DAW1: variants seen among roughly 807,000 people sequenced by gnomAD.
DAW1 encodes dynein assembly factor with WD repeats 1.
Under a neutral mutation model 56.5 loss-of-function variants are expected in DAW1, and 47 were observed. The observed-to-expected ratio is 0.83, with a 90% CI of 0.66 to 1.06. The LOEUF (loss-of-function observed/expected upper bound fraction) is 1.06. Ranked by LOEUF, DAW1 falls within the 50% of genes least tolerant of loss-of-function variation. The pLI, the probability that DAW1 is intolerant of heterozygous loss-of-function variation, is 0.00. For synonymous variants in DAW1, 190 were observed against 179.0 expected (o/e 1.06, Z -0.49); for missense variants, 505 against 499.3 (o/e 1.01, Z -0.11).
intron 1 of DAW1, among the ~76,000 whole-genome samples, chr2:227,881,846 G>T (rs1439287039): frequency 1.4e-5 from 2 of 142,884 alleles, no homozygotes; most frequent in Admixed American, 1.5e-4. Flanking sequence ...TCCACCTCCT[G>T]GGTTCAAGCG....
intron 11 of DAW1, 128 bp downstream of exon 11, chr2:227,918,984 C>T (rs1692041228): frequency 4.1e-6 from 4 of 978,334 alleles, no homozygotes; most frequent in Non-Finnish European, 4.6e-6. Context: ...TGCTTGAGGC[C>T]AGGAGTTCAA....
intron 12 of DAW1, 69 bp from the exon 13 acceptor site, chr2:227,923,865 C>T: frequency 6.3e-7 from 1 of 1,582,726 alleles, no homozygotes; most frequent in Non-Finnish European, 8.6e-7. Context: ...AAAATGTCAA[C>T]TTGTAGAAAG....
chr2:227,901,232 G>C (rs1574660294), intron 6 of DAW1, among the ~76,000 whole-genome samples: 2 of 152,174 alleles, frequency 1.3e-5, no homozygotes, highest in Admixed American at 6.5e-5. Context: ...AAGAAAAGGG[G>C]AACCCAGGAT....
At position 227,924,075 on chromosome 2, in the gene DAW1, C is replaced by A. The variant is rs538110668; in HGVS notation, c.*107C>A. The A allele has an allele frequency of 1.1e-3, 1,417 of 1,320,984 alleles. 3 individuals carry two copies. Among genetic ancestry groups the A allele is most frequent in the Non-Finnish European group, 1.5e-3 (1,384 of 937,334 alleles). 81.8% of individuals were successfully genotyped at this position (1,320,984 alleles called of 1,614,324 possible). On this transcript the variant is annotated 3_prime_UTR_variant, in exon 13 of 13. Coordinates refer to ENST00000309931, the MANE Select transcript of DAW1 (RefSeq NM_178821.3). ...ATTTCTTATACTTTCTCTTTTTCTG[C>A]AAGTCAACTATTTCTACAACTGTCC...
At chr2:227,900,193 A>G (rs1160339795) in intron 6 of DAW1, among the ~76,000 whole-genome samples, 1 of 152,198 alleles carries the variant, frequency 6.6e-6, no homozygotes, top group Admixed American at 6.5e-5. Context: ...TTTACAGAGT[A>G]GGGTACTGAG....
chr2:227,901,102 G>A (rs368714892), intron 6 of DAW1, among the ~76,000 whole-genome samples: 3 of 152,184 alleles, frequency 2.0e-5, no homozygotes, highest in South Asian at 2.1e-4. Flanking sequence ...GGTAAAATCC[G>A]AGTTATCAGC....
intron 5 of DAW1, among the ~76,000 whole-genome samples, chr2:227,896,920 A>G (rs570546391): frequency 6.6e-6 from 1 of 151,844 alleles, no homozygotes; most frequent in Non-Finnish European, 1.5e-5. Flanking sequence ...TCATCTCTAC[A>G]AAAAATAAAA....
At chr2:227,921,759 G>A (rs1028476806) in intron 12 of DAW1, among the ~76,000 whole-genome samples, 198 bp downstream of exon 12, 1 of 152,176 alleles carries the variant, frequency 6.6e-6, no homozygotes, top group Non-Finnish European at 1.5e-5. Flanking sequence ...GCCATTGACT[G>A]TAGTAAGCCT....
At chr2:227,893,995 G>T (rs1436799266) in intron 5 of DAW1, 78 bp downstream of exon 5, 3 of 1,416,406 alleles carry the variant, frequency 2.1e-6, no homozygotes, top group Non-Finnish European at 2.8e-6. Context: ...AAGGGAAGAA[G>T]ACAAGAGGTC....
rs141618222 is a variant in DAW1, at chr2:227,907,232, T to C, written c.953T>C (p.Ile318Thr). 13 of 1,613,166 alleles carry C rather than the reference T, an allele frequency of 8.1e-6. No homozygotes were observed. The highest frequency in any genetic ancestry group is 8.0e-5 in the African/African-American group (6 of 74,910). ...TGCTTTGATTACACTGGAAAGCTTA[T>C]TGCAACTGCTTCAGCTGATGGTAGG... ...DSCFDYTGKL[I>T]ATASADGTAR... The change falls in exon 10 of 13, where the codon ATT becomes ACT. Residue 318 changes from isoleucine to threonine, a missense_variant. Coordinates refer to ENST00000309931, the MANE Select transcript of DAW1 (RefSeq NM_178821.3).
At chr2:227,873,388 C>G (rs942627215) in intron 1 of DAW1, among the ~76,000 whole-genome samples, 1 of 152,140 alleles carries the variant, frequency 6.6e-6, no homozygotes, top group Admixed American at 6.5e-5. Flanking sequence ...TTGTAGCACC[C>G]TCAGCTTCTA....
chr2:227,906,181 T>G (rs984702401), intron 8 of DAW1, 55 bp from the exon 9 acceptor site: 2 of 1,407,978 alleles, frequency 1.4e-6, no homozygotes, highest in African/African-American at 2.8e-5. Context: ...ATTATTCATG[T>G]GCATATACTG....
intron 11 of DAW1, among the ~76,000 whole-genome samples, 185 bp downstream of exon 11, chr2:227,919,041 A>G (rs532056239): frequency 3.2e-4 from 48 of 152,070 alleles, no homozygotes; most frequent in African/African-American, 1.0e-3. Flanking sequence ...CAAAAAACAA[A>G]AAAAGTCAGC....
intron 10 of DAW1, among the ~76,000 whole-genome samples, chr2:227,915,093 C>T (rs1042289019): frequency 4.6e-5 from 7 of 151,984 alleles, no homozygotes; most frequent in Admixed American, 2.0e-4. Context: ...ACATATGGTG[C>T]CACACTCTGT....
At chr2:227,891,798 T>C (rs1691272857) in intron 4 of DAW1, among the ~76,000 whole-genome samples, 1 of 152,134 alleles carries the variant, frequency 6.6e-6, no homozygotes, top group Admixed American at 6.5e-5. Context: ...AGACATAAAA[T>C]AAGCAGTTTG....
At chr2:227,912,546 T>A in intron 10 of DAW1, 1 of 1,246,222 alleles carries the variant, frequency 8.0e-7, no homozygotes, top group Non-Finnish European at 1.0e-6. Flanking sequence ...CTGTTTCATA[T>A]CACTGGAGGT....
chr2:227,920,513 C>T (rs926580310), intron 11 of DAW1, among the ~76,000 whole-genome samples: 5 of 152,174 alleles, frequency 3.3e-5, no homozygotes, highest in African/African-American at 9.7e-5. Context: ...TTGGCAACAC[C>T]TGGCACACGG....
Position 227,891,249 on chromosome 2 carries a change from C to T in DAW1, c.259-6C>T. On this transcript the variant is annotated splice_polypyrimidine_tract_variant and splice_region_variant and intron_variant, in intron 3 of 12. Transcript: ENST00000309931. ...GTCTAAAAAATGGTGTTTTCTTTCA[C>T]TGAAGGTTCTCAAAGCACATATATT... 1 of 1,611,320 alleles carries T rather than the reference C, an allele frequency of 6.2e-7. No homozygotes were observed. Among genetic ancestry groups the T allele is most frequent in the Non-Finnish European group, 8.5e-7 (1 of 1,178,948 alleles).
intron 1 of DAW1, among the ~76,000 whole-genome samples, chr2:227,874,602 C>T (rs1690834173): frequency 6.6e-6 from 1 of 152,126 alleles, no homozygotes; most frequent in Non-Finnish European, 1.5e-5. Context: ...TCTTCTGTGT[C>T]TATCTTGTTG....
Sources: allele counts gnomAD v4.1 joint callset (sites outside exome capture counted in the v4.1 genomes callset), GRCh38; gene constraint gnomAD v4.1.1; transcripts MANE v1.5; gene names NCBI Gene and HGNC (gene_info 2026-07-23, HGNC 2026-07-21).